Variants in SDK1 observed in about 807,000 individuals in gnomAD.
The protein encoded by SDK1 is sidekick cell adhesion molecule 1.
SDK1 carries 157 observed loss-of-function variants against 245.5 expected under a neutral mutation model. The ratio of observed to expected loss-of-function variants is 0.64; its 90% confidence interval spans 0.56 to 0.73. The LOEUF is 0.73. Among genes scored for constraint, SDK1 ranks in the 30% least tolerant of loss-of-function variants. The pLI is 0.00. For synonymous variants in SDK1, 1,647 were observed against 1,278.5 expected (o/e 1.29, Z -6.15); for missense variants, 3,583 against 3,002.3 (o/e 1.19, Z -4.52).
Position 3,790,331 on chromosome 7 carries a change from C to CT in SDK1, c.714-31118dup, listed in dbSNP as rs1781041627. On this transcript the variant is annotated intron_variant, in intron 4 of 44. Transcript: ENST00000404826. Reference sequence around the variant, plus strand: ...AGGGATTTAACACATGGTAAAGCCCCTCTCCCTTTTCCCGCCCTCCAGTCT... The same window carrying CT: ...AGGGATTTAACACATGGTAAAGCCCCTTCTCCCTTTTCCCGCCCTCCAGTCT... 2.6e-5 allele frequency among the ~76,000 whole-genome samples: 4 copies of CT among 152,278 alleles called. 1 individual carries two copies. Among genetic ancestry groups the CT allele is most frequent in the African/African-American group, 9.6e-5 (4 of 41,550 alleles).
chr7:3,831,792 T>A (rs1779918475), intron 5 of SDK1, among the ~76,000 whole-genome samples: 1 of 152,068 alleles, frequency 6.6e-6, no homozygotes, highest in Non-Finnish European at 1.5e-5. Context: ...TGTTGACTCA[T>A]GCCCAGTGCT....
At chr7:3,675,436 G>C (rs1783862335) in intron 4 of SDK1, among the ~76,000 whole-genome samples, 1 of 152,152 alleles carries the variant, frequency 6.6e-6, no homozygotes, top group East Asian at 1.9e-4. Context: ...GATCATGTCA[G>C]TCTTCAAAAT....
intron 3 of SDK1, 76 bp from the exon 4 acceptor site, chr7:3,641,881 AC>A: frequency 2.5e-6 from 3 of 1,198,018 alleles, no homozygotes; most frequent in South Asian, 2.8e-5. Context: ...TGTAACACTT[AC>A]CTGTTTCCAT....
At chr7:3,780,803 G>C (rs1352799377) in intron 4 of SDK1, among the ~76,000 whole-genome samples, 2 of 151,998 alleles carry the variant, frequency 1.3e-5, no homozygotes, top group Non-Finnish European at 2.9e-5. Context: ...GATCTAGAAA[G>C]TCAAGCAGCA....
chr7:3,497,186 A>G (rs1015405222), intron 1 of SDK1, among the ~76,000 whole-genome samples: 9 of 152,188 alleles, frequency 5.9e-5, no homozygotes, highest in African/African-American at 2.2e-4. Context: ...GAATGCTCCA[A>G]CAAGGCTGTT....
At chr7:3,884,281 A>G (rs1010030263) in intron 5 of SDK1, among the ~76,000 whole-genome samples, 26 of 151,928 alleles carry the variant, frequency 1.7e-4, no homozygotes, top group African/African-American at 5.6e-4. Flanking sequence ...ATGGCTGTGC[A>G]TTATTTCATG....
chr7:3,368,797 C>A (rs1019201583), intron 1 of SDK1, among the ~76,000 whole-genome samples: 1 of 152,114 alleles, frequency 6.6e-6, no homozygotes, highest in Non-Finnish European at 1.5e-5. Flanking sequence ...CACTTAGAAC[C>A]GTGTGTGACA....
At chr7:4,241,132 T>C (rs1480074824) in intron 42 of SDK1, among the ~76,000 whole-genome samples, 3 of 152,250 alleles carry the variant, frequency 2.0e-5, no homozygotes, top group Admixed American at 1.3e-4. Context: ...TTTTTTGAAG[T>C]GTGCGGTTCA....
At chr7:3,474,903 G>A (rs543702585) in intron 1 of SDK1, among the ~76,000 whole-genome samples, 1 of 152,194 alleles carries the variant, frequency 6.6e-6, no homozygotes, top group African/African-American at 2.4e-5. Context: ...TGTTGTCCAA[G>A]CTGGTATTGA....
chr7:3,391,990 C>T (rs1195398141), intron 1 of SDK1, among the ~76,000 whole-genome samples: 2 of 139,838 alleles, frequency 1.4e-5, no homozygotes, highest in East Asian at 3.9e-4. Context: ...TATATATATG[C>T]ATGCTACCTA....
chr7:4,215,820 G>A (rs931483337), intron 38 of SDK1, among the ~76,000 whole-genome samples: 7 of 152,062 alleles, frequency 4.6e-5, no homozygotes, highest in African/African-American at 1.7e-4. Flanking sequence ...CCTGACTATC[G>A]GCTGGGCACT....
intron 1 of SDK1, 153 bp downstream of exon 1, chr7:3,302,037 A>T (rs1352402593): frequency 9.0e-6 from 4 of 442,778 alleles, no homozygotes; most frequent in Admixed American, 1.2e-4. Context: ...GGGCTCCTCC[A>T]CGCCAGACTC....
chr7:3,715,305 A>T (rs993922487), intron 4 of SDK1, among the ~76,000 whole-genome samples: 12 of 152,186 alleles, frequency 7.9e-5, no homozygotes, highest in African/African-American at 2.7e-4. Flanking sequence ...CTTACCAGAA[A>T]TTTTATTAAA....
intron 4 of SDK1, among the ~76,000 whole-genome samples, chr7:3,755,715 C>T (rs906532490): frequency 1.3e-5 from 2 of 152,082 alleles, no homozygotes; most frequent in African/African-American, 2.4e-5. Context: ...GGTTTGTTTG[C>T]CCCTGTAATT....
At chr7:4,015,776 C>T (rs1015010996) in intron 16 of SDK1, among the ~76,000 whole-genome samples, 3 of 152,198 alleles carry the variant, frequency 2.0e-5, no homozygotes, top group African/African-American at 7.2e-5. Context: ...CCACTTGCTC[C>T]TTTCAGGCAA....
At chr7:3,476,182 T>C (rs1781343492) in intron 1 of SDK1, 1 of 152,626 alleles carries the variant, frequency 6.6e-6, no homozygotes, top group African/African-American at 2.4e-5. Flanking sequence ...AGGTACGATA[T>C]GCATATGAAA....
At chr7:3,386,882 G>T (rs1258054224) in intron 1 of SDK1, among the ~76,000 whole-genome samples, 1 of 152,182 alleles carries the variant, frequency 6.6e-6, no homozygotes, top group African/African-American at 2.4e-5. Context: ...ACACAAGGCT[G>T]TCATGTTTAA....
intron 1 of SDK1, among the ~76,000 whole-genome samples, chr7:3,347,402 T>A (rs1214131829): frequency 1.3e-5 from 2 of 152,266 alleles, no homozygotes; most frequent in Middle Eastern, 3.4e-3. Context: ...ATAAAGCTGT[T>A]GGTCTTACTA....
intron 14 of SDK1, among the ~76,000 whole-genome samples, chr7:4,001,266 C>T (rs1785053024): frequency 6.6e-6 from 1 of 152,236 alleles, no homozygotes; most frequent in Admixed American, 6.5e-5. Flanking sequence ...GGTTTGCCAC[C>T]ATTAGGATTG....
Sources: gnomAD v4.1 joint callset for allele counts (sites outside exome capture counted in the v4.1 genomes callset) on GRCh38, gnomAD v4.1.1 for gene constraint, MANE v1.5 for transcripts, NCBI Gene and HGNC (gene_info 2026-07-23, HGNC 2026-07-21) for gene names.